Variants in ADARB2 observed in about 807,000 individuals in gnomAD.
The protein encoded by ADARB2 is inactive double-stranded RNA-specific editase B2.
ADARB2 carries 25 observed loss-of-function variants against 62.2 expected under a neutral mutation model. The observed-to-expected ratio is 0.40, with a 90% CI of 0.29 to 0.56. ADARB2 has a LOEUF of 0.56. Ranked by LOEUF, ADARB2 falls within the 20% of genes least tolerant of loss-of-function variation. The pLI is 0.43. For synonymous variants in ADARB2, 572 were observed against 500.8 expected (o/e 1.14, Z -1.90); for missense variants, 1,071 against 1,077.4 (o/e 0.99, Z 0.08).
At chr10:1,676,233 G>A (rs1350234927) in intron 1 of ADARB2, 1 of 189,100 alleles carries the variant, frequency 5.3e-6, no homozygotes, top group Non-Finnish European at 9.8e-6. Context: ...GAAAATAAGA[G>A]TCCCTGTTTT....
intron 2 of ADARB2, among the ~76,000 whole-genome samples, chr10:1,375,920 A>G (rs556690764): frequency 6.7e-6 from 1 of 150,220 alleles, no homozygotes; most frequent in East Asian, 2.0e-4. Context: ...CACTTGCCAC[A>G]CATGCACACA....
At chr10:1,571,417 A>T (rs1832931937) in intron 1 of ADARB2, among the ~76,000 whole-genome samples, 1 of 152,172 alleles carries the variant, frequency 6.6e-6, no homozygotes, top group African/African-American at 2.4e-5. Flanking sequence ...TTCTCATTAT[A>T]AATTTAGGAA....
At chr10:1,593,590 G>T (rs188125967) in intron 1 of ADARB2, among the ~76,000 whole-genome samples, 2 of 152,376 alleles carry the variant, frequency 1.3e-5, no homozygotes, top group Admixed American at 1.3e-4. Context: ...CTGCGAAGTA[G>T]TAATAAGTGC....
chr10:1,651,309 C>T (rs7901958), intron 1 of ADARB2, among the ~76,000 whole-genome samples: 35,400 of 152,240 alleles, frequency 0.23, 4,173 homozygotes, highest in Admixed American at 0.27. Context: ...CCTGGCTCGG[C>T]GAAGGCCCCA....
At chr10:1,529,716 C>G (rs948253850) in intron 1 of ADARB2, among the ~76,000 whole-genome samples, 2 of 152,226 alleles carry the variant, frequency 1.3e-5, no homozygotes, top group African/African-American at 4.8e-5. Context: ...CCCCAGGAGA[C>G]AGAATGATGT....
rs1834068311 is a variant in ADARB2, at chr10:1,648,049, A to G, written c.100+89002T>C. ...GAGGGATAATTTAGGGAAATCCAAG[A>G]AGACTGCAGTTTAAAGCCACATAGA... On this transcript the variant is annotated intron_variant, in intron 1 of 9. Coordinates refer to ENST00000381312, the MANE Select transcript of ADARB2 (RefSeq NM_018702.4). Among the ~76,000 whole-genome samples the G allele has an allele frequency of 3.3e-5, 5 of 152,344 alleles. 1 individual carries two copies. The South Asian group carries it at 1.0e-3, about 32-fold the overall frequency.
At chr10:1,359,589 A>G (rs1588231302) in intron 3 of ADARB2, among the ~76,000 whole-genome samples, 1 of 152,182 alleles carries the variant, frequency 6.6e-6, no homozygotes, top group Non-Finnish European at 1.5e-5. Flanking sequence ...GTTTATAAGG[A>G]AGCTGATATT....
intron 3 of ADARB2, among the ~76,000 whole-genome samples, chr10:1,294,737 C>T (rs546864145): frequency 6.6e-6 from 1 of 152,302 alleles, no homozygotes; most frequent in African/African-American, 2.4e-5. Context: ...CAAGCCATCT[C>T]CTTCCCTGAG....
chr10:1,393,296 T>G (rs1210246355), intron 1 of ADARB2, among the ~76,000 whole-genome samples: 1 of 152,230 alleles, frequency 6.6e-6, no homozygotes, highest in Non-Finnish European at 1.5e-5. Flanking sequence ...AGGCGTGCAA[T>G]GCATAACAAT....
intron 1 of ADARB2, among the ~76,000 whole-genome samples, chr10:1,544,208 C>G (rs1231111378): frequency 1.3e-5 from 2 of 152,148 alleles, no homozygotes; most frequent in Non-Finnish European, 2.9e-5. Context: ...TCTGGGAGGG[C>G]AGTGGGATGA....
chr10:1,666,327 C>A (rs1433638916), intron 1 of ADARB2, among the ~76,000 whole-genome samples: 1 of 152,244 alleles, frequency 6.6e-6, no homozygotes, highest in Non-Finnish European at 1.5e-5. Flanking sequence ...GCATCTGAAT[C>A]CACATTCTCC....
chr10:1,248,499 C>T (rs1227199151), intron 4 of ADARB2, among the ~76,000 whole-genome samples: 7 of 152,236 alleles, frequency 4.6e-5, no homozygotes, highest in African/African-American at 9.6e-5. Context: ...CGTTCCCAGG[C>T]GTGTAGGCTT....
Position 1,538,637 on chromosome 10 carries a change from C to T in ADARB2, c.101-159477G>A, listed in dbSNP as rs563238577. ...TGGGCATCACGTGGTGGACGGGGAG[C>T]GTTCTGCCCATGGACGTGGCCTGGG... On this transcript the variant is annotated intron_variant, in intron 1 of 9. Transcript: ENST00000381312. 5.3e-5 allele frequency among the ~76,000 whole-genome samples: 8 copies of T among 152,314 alleles called. No individual in the cohort carries two copies. In the South Asian group the frequency reaches 6.2e-4, roughly 12 times the overall value.
chr10:1,248,679 A>G (rs1589165072), intron 4 of ADARB2, among the ~76,000 whole-genome samples: 1 of 152,258 alleles, frequency 6.6e-6, no homozygotes, highest in Admixed American at 6.5e-5. Flanking sequence ...GCAAGTTTGT[A>G]TAGAAGCATC....
intron 1 of ADARB2, among the ~76,000 whole-genome samples, chr10:1,573,180 C>A (rs560731577): frequency 6.6e-6 from 1 of 152,330 alleles, no homozygotes; most frequent in Admixed American, 6.5e-5. Context: ...GTGTGCTTGT[C>A]TGGGGTGGGC....
Position 1,426,801 on chromosome 10 carries a change from T to A in ADARB2, c.101-47641A>T, listed in dbSNP as rs1832896932. Among the ~76,000 whole-genome samples, 1 of 152,214 alleles carries A rather than the reference T, an allele frequency of 6.6e-6. No homozygotes were observed. The highest frequency in any genetic ancestry group is 2.1e-4 in the South Asian group (1 of 4,836). On this transcript the variant is annotated intron_variant, in intron 1 of 9. Transcript: ENST00000381312. This position sits in a 1 kb window ranked among gnomAD's most constrained non-coding sequence, Gnocchi z 4.1. ...TGACGGCGCTTACTCCACCACTGCA[T>A]CCCTTCTATACCCTGCTTCTCCCTT...
At chr10:1,667,310 A>G (rs1834327572) in intron 1 of ADARB2, among the ~76,000 whole-genome samples, 1 of 152,230 alleles carries the variant, frequency 6.6e-6, no homozygotes, top group Non-Finnish European at 1.5e-5. Context: ...TATGAGGCCT[A>G]TAAAACATGC....
intron 1 of ADARB2, among the ~76,000 whole-genome samples, chr10:1,512,752 C>T (rs1412884494): frequency 6.6e-6 from 1 of 152,180 alleles, no homozygotes; most frequent in African/African-American, 2.4e-5. Flanking sequence ...AGTTGTTTGT[C>T]CCCCAGGGAT....
At chr10:1,234,063 T>C (rs561601922) in intron 5 of ADARB2, among the ~76,000 whole-genome samples, 1 of 147,258 alleles carries the variant, frequency 6.8e-6, no homozygotes, top group Non-Finnish European at 1.5e-5. Context: ...CTCCACCCAC[T>C]GAGTTCAAGC....
Sources: gnomAD v4.1 joint callset for allele counts (sites outside exome capture counted in the v4.1 genomes callset) on GRCh38, gnomAD v4.1.1 for gene constraint, Gnocchi (gnomAD v3.1) non-coding constraint, MANE v1.5 for transcripts, NCBI Gene and HGNC (gene_info 2026-07-23, HGNC 2026-07-21) for gene names.